COMTD1: variants seen among roughly 807,000 people sequenced by gnomAD.
COMTD1 encodes catechol O-methyltransferase domain-containing protein 1.
Under a neutral mutation model 33.6 loss-of-function variants are expected in COMTD1, and 35 were observed. That is an observed-to-expected ratio of 1.04 (90% CI 0.80 to 1.38). The LOEUF is 1.38. Among genes scored for constraint, COMTD1 ranks in the 40% most tolerant of loss-of-function variants. The pLI is 0.00. For missense variants in COMTD1, 370 were observed against 363.4 expected (o/e 1.02, Z -0.15); for synonymous variants, 160 against 176.8 (o/e 0.91, Z 0.75).
At chr10:75,234,397 G>A (rs903083758) in intron 6 of COMTD1, 172 bp from the exon 7 acceptor site, 90 of 1,007,788 alleles carry the variant, frequency 8.9e-5, no homozygotes, top group South Asian at 5.2e-4. Flanking sequence ...CGGGAGGCGG[G>A]GCCTCGGAGG....
At position 75,234,802 on chromosome 10, in the gene COMTD1, C is replaced by A. The variant is rs527562372; in HGVS notation, c.503-59G>T. 5 of 1,531,912 alleles carry A rather than the reference C, an allele frequency of 3.3e-6. No homozygotes were observed. The South Asian group carries it at 6.1e-5, about 19-fold the overall frequency. The allele number at this position is 1,531,912 out of a possible 1,614,324, so 94.9% of individuals were successfully genotyped here. On this transcript the variant is annotated intron_variant, in intron 5 of 6. Transcript: ENST00000372538. ...TCCGCGGCCCCGGCGGCCCTGAGGCCCCTCCCAGGCCGGCCCGGGCTCTGT... is the reference window on the plus strand; with the variant it reads ...TCCGCGGCCCCGGCGGCCCTGAGGCACCTCCCAGGCCGGCCCGGGCTCTGT...
At position 75,234,062 on chromosome 10, in the gene COMTD1, AG is replaced by A; in HGVS notation, c.*10del. On this transcript the variant is annotated 3_prime_UTR_variant, in exon 7 of 7. Transcript: ENST00000372538. ...CAACCCTCCCTCGAGCCCACTCACT[AG>A]GGGCCAGCCCTAGATCTTGAAGGCC... The A allele has an allele frequency of 6.2e-7, 1 of 1,613,928 alleles. No individual in the cohort carries two copies.
In COMTD1 at chr10:75,234,616, G is replaced by A. The variant is rs1469726297; in HGVS notation, c.630C>T (p.Val210=). 6 of 1,562,186 alleles carry A rather than the reference G, an allele frequency of 3.8e-6. No individual in the cohort carries two copies. Among genetic ancestry groups the A allele is most frequent in the Middle Eastern group, 1.7e-4 (1 of 5,958 alleles). Residue 210 remains valine, a synonymous_variant, in exon 6 of 7, where the codon GTC becomes GTT. Transcript: ENST00000372538. ...QLLRPGGILA[V]LRVLWRGKVL... ...CCCGCAGTGGATCCCTTACTCTGAG[G>A]ACGGCGAGGATGCCTCCGGGTCGCA...
In COMTD1 at chr10:75,235,548, G is replaced by T. The variant is rs760664849; in HGVS notation, c.222+68C>A. On this transcript the variant is annotated intron_variant, in intron 2 of 6. Coordinates refer to ENST00000372538, the MANE Select transcript of COMTD1 (RefSeq NM_144589.4). ...AGGGAGGGCCAGGGCCCAGCCCAAGGTCACACAGCCACGTGGGACCCGCAG... is the reference window on the plus strand; with the variant it reads ...AGGGAGGGCCAGGGCCCAGCCCAAGTTCACACAGCCACGTGGGACCCGCAG... The T allele has an allele frequency of 1.6e-5, 24 of 1,489,952 alleles. 1 individual carries two copies. Among genetic ancestry groups the T allele is most frequent in the South Asian group, 1.3e-4 (10 of 76,834 alleles). The allele number at this position is 1,489,952 out of a possible 1,614,324, so 92.3% of individuals were successfully genotyped here.
chr10:75,235,170 T>C lies in COMTD1; in HGVS notation c.337A>G (p.Thr113Ala), dbSNP rs1387893955. The C allele has an allele frequency of 1.4e-5, 19 of 1,406,168 alleles. No homozygotes were observed. Among genetic ancestry groups the C allele is most frequent in the Non-Finnish European group, 1.7e-5 (18 of 1,086,248 alleles). The allele number at this position is 1,406,168 out of a possible 1,614,324, so 87.1% of individuals were successfully genotyped here. ...GCCAGGGCCAGGGCGGAGTAGCCCG[T>C]GAAGGTGCCTGGGACCAGGACACAG... ...AKKALDLGTF[T>A]GYSALALALA... is the part of the protein sequence containing the mutation. The change falls in exon 4 of 7, where the codon ACG (threonine) becomes GCG (alanine). Residue 113 changes from threonine to alanine, a missense_variant. Thr to Ala is a moderately conservative substitution (Grantham distance 58). Coordinates refer to ENST00000372538, the MANE Select transcript of COMTD1 (RefSeq NM_144589.4).
rs536812641 is a variant in COMTD1 at position 75,235,099 on chromosome 10, G to A, written c.408C>T (p.Asp136=). The A allele has an allele frequency of 1.4e-5, 19 of 1,407,188 alleles. No homozygotes were observed. The Admixed American group carries it at 4.4e-4, about 33-fold the overall frequency. 87.2% of individuals were successfully genotyped at this position (1,407,188 alleles called of 1,614,324 possible). ...ADGRVVTCEV[D]AQPPELGRPL... is the part of the protein sequence containing the mutation. ...GCCGTCCCAGCTCCGGGGGCTGCGCGTCCACCTCGCAGGTCACCACGCGCC... is the reference window on the plus strand; with the variant it reads ...GCCGTCCCAGCTCCGGGGGCTGCGCATCCACCTCGCAGGTCACCACGCGCC... The change falls in exon 4 of 7, where the codon GAC becomes GAT. Residue 136 remains aspartate, a synonymous_variant. Transcript: ENST00000372538.
At chr10:75,235,475 G>C (rs1842177704) in intron 2 of COMTD1, 103 bp from the exon 3 acceptor site, 5 of 1,343,092 alleles carry the variant, frequency 3.7e-6, no homozygotes, top group Non-Finnish European at 4.9e-6. Flanking sequence ...CTGGGGGACT[G>C]GCCCTTCGGA....
chr10:75,234,389 G>A (rs1041648185), intron 6 of COMTD1, 164 bp from the exon 7 acceptor site: 7 of 1,006,076 alleles, frequency 7.0e-6, no homozygotes, highest in East Asian at 2.6e-5. Flanking sequence ...TGTCTGGGCG[G>A]GAGGCGGGGC....
intron 6 of COMTD1, 123 bp downstream of exon 6, chr10:75,234,487 C>T: frequency 5.7e-6 from 8 of 1,398,400 alleles, no homozygotes; most frequent in East Asian, 2.5e-5. Flanking sequence ...GCCGGAGCCC[C>T]GGAGGGGGTG....
In COMTD1 at chr10:75,233,969, G is replaced by T. The variant is rs1405791969; in HGVS notation, c.*104C>A. ...CAGCGCCACACACGGAGGCTCAGGAGGTCGTGTGTCCCAGCCCCACTTTAT... is the reference window on the plus strand; with the variant it reads ...CAGCGCCACACACGGAGGCTCAGGATGTCGTGTGTCCCAGCCCCACTTTAT... On this transcript the variant is annotated 3_prime_UTR_variant, in exon 7 of 7. Transcript: ENST00000372538. 5.6e-6 allele frequency: 9 copies of T among 1,593,958 alleles called. No individual in the cohort carries two copies. The highest frequency in any genetic ancestry group is 2.2e-5 in the East Asian group (1 of 44,652).
In COMTD1 at chr10:75,234,599, G is replaced by A; in HGVS notation, c.636+11C>T. 1.9e-6 allele frequency: 3 copies of A among 1,553,894 alleles called. No homozygotes were observed. The highest frequency in any genetic ancestry group is 2.6e-6 in the Non-Finnish European group (3 of 1,149,600). On this transcript the variant is annotated intron_variant, in intron 6 of 6. Transcript: ENST00000372538. ...AGGGTGCTTTCTCCTCCCCCGCAGT[G>A]GATCCCTTACTCTGAGGACGGCGAG...
At position 75,233,921 on chromosome 10, in the gene COMTD1, G is replaced by A. The variant is rs755241626; in HGVS notation, c.*152C>T. ...ACTGAAGGCAGGAGCTGTCTGTGCT[G>A]GGCCTTCCCTCCCTTCCCCATCCAG... is the stretch of plus-strand genomic sequence containing the variant. On this transcript the variant is annotated 3_prime_UTR_variant, in exon 7 of 7. Coordinates refer to ENST00000372538, the MANE Select transcript of COMTD1 (RefSeq NM_144589.4). 2.6e-6 allele frequency: 4 copies of A among 1,513,698 alleles called. No individual in the cohort carries two copies. Among genetic ancestry groups the A allele is most frequent in the Non-Finnish European group, 3.5e-6 (4 of 1,135,280 alleles). The allele number at this position is 1,513,698 out of a possible 1,614,324, so 93.8% of individuals were successfully genotyped here. A position where few individuals can be genotyped will look rare whatever the true frequency, so the allele number is the denominator to read the frequency against.
chr10:75,235,724 C>T lies in COMTD1; in HGVS notation c.114G>A (p.Trp38Ter). The change falls in exon 2 of 7, where the codon TGG becomes TGA. Residue 38 changes from tryptophan (W) to a stop codon, truncating the protein, a stop_gained. Transcript: ENST00000372538. LOFTEE classifies it high-confidence loss of function. ...GCAGGCACTGCTCTCGCCGGCCTCG[C>T]CATGGGGGGCACCGCCTCCCTGACG... is the stretch of plus-strand genomic sequence containing the variant. ...GLFLGRRCPP[W>*]RGRREQCLLP... The T allele has an allele frequency of 6.2e-7, 1 of 1,601,554 alleles. No individual in the cohort carries two copies. Among genetic ancestry groups the T allele is most frequent in the Non-Finnish European group, 8.5e-7 (1 of 1,175,552 alleles).
Position 75,235,816 on chromosome 10 carries a change from G to T in COMTD1, c.94+19C>A. On this transcript the variant is annotated intron_variant, in intron 1 of 6. Transcript: ENST00000372538. ...CTCTGCGCCCGCCCACCCGCCCGCC[G>T]GGACCAGGTCCTGCTCACCCAGGAA... 3.2e-6 allele frequency: 2 copies of T among 618,512 alleles called. No individual in the cohort carries two copies. The highest frequency in any genetic ancestry group is 5.4e-6 in the Non-Finnish European group (2 of 369,586). 38.3% of individuals were successfully genotyped at this position (618,512 alleles called of 1,614,324 possible).
chr10:75,234,937 C>T lies in COMTD1; in HGVS notation c.502+1G>A, dbSNP rs1193972195. 1.3e-6 allele frequency: 2 copies of T among 1,530,842 alleles called. No individual in the cohort carries two copies. Among genetic ancestry groups the T allele is most frequent in the South Asian group, 1.2e-5 (1 of 81,596 alleles). 94.8% of individuals were successfully genotyped at this position (1,530,842 alleles called of 1,614,324 possible). ...AAAGCCCTTCCCGCTTCGGTGCTCA[C>T]CCAGGGTCTCCAAGGCGGGCTTCAG... On this transcript the variant is annotated splice_donor_variant, in intron 5 of 6. Coordinates refer to ENST00000372538, the MANE Select transcript of COMTD1 (RefSeq NM_144589.4). LOFTEE classifies it high-confidence loss of function.
intron 6 of COMTD1, 67 bp downstream of exon 6, chr10:75,234,543 G>A (rs1842159542): frequency 4.0e-6 from 6 of 1,504,234 alleles, no homozygotes; most frequent in East Asian, 2.5e-5. Context: ...TATAAGAGGA[G>A]TCAAGGGAAA....
At position 75,234,134 on chromosome 10, in the gene COMTD1, A is replaced by C. The variant is rs1243617441; in HGVS notation, c.728T>G (p.Val243Gly). Residue 243 changes from valine (V) to glycine (G), a missense_variant, in exon 7 of 7, where the codon GTC becomes GGC. Physicochemically the swap from Val to Gly is moderately radical, Grantham distance 109 (BLOSUM62 -3). Transcript: ENST00000372538. ...GGGCAGGAGGCTGATGTAGACCCTGACGTCCCGCCGGATGCGTTCGTTTAG... is the reference window on the plus strand; with the variant it reads ...GGGCAGGAGGCTGATGTAGACCCTGCCGTCCCGCCGGATGCGTTCGTTTAG... ...RNLNERIRRDVRVYISLLPLG... is the reference protein window; with the variant it reads ...RNLNERIRRDGRVYISLLPLG... 6.2e-7 allele frequency: 1 copy of C among 1,613,814 alleles called. No individual in the cohort carries two copies. The highest frequency in any genetic ancestry group is 1.7e-5 in the Admixed American group (1 of 60,032).
intron 5 of COMTD1, 68 bp downstream of exon 5, chr10:75,234,870 C>G: frequency 6.5e-7 from 1 of 1,532,886 alleles, no homozygotes. Context: ...GGCCCAGTCA[C>G]AGCTCGGCCA....
Position 75,235,753 on chromosome 10 carries a change from A to C in COMTD1, c.95-10T>G. 6.3e-7 allele frequency: 1 copy of C among 1,595,810 alleles called. No homozygotes were observed. The highest frequency in any genetic ancestry group is 8.5e-7 in the Non-Finnish European group (1 of 1,173,020). ...GGGGGGCACCGCCTCCCTGACGGGG[A>C]GAGGGTGTTGGATTAACCTGAGCCA... On this transcript the variant is annotated splice_polypyrimidine_tract_variant and intron_variant, in intron 1 of 6. Coordinates refer to ENST00000372538, the MANE Select transcript of COMTD1 (RefSeq NM_144589.4).
Sources: allele counts gnomAD v4.1 joint callset, GRCh38; gene constraint gnomAD v4.1.1; transcripts MANE v1.5; gene names NCBI Gene and HGNC (gene_info 2026-07-23, HGNC 2026-07-21).